FAM153A: variants seen among roughly 807,000 people sequenced by gnomAD.
The protein encoded by FAM153A is family with sequence similarity 153 member A.
A neutral mutation model predicts 48.1 loss-of-function variants in FAM153A; 12 were observed. The observed-to-expected ratio is 0.25, with a 90% CI of 0.16 to 0.40. The LOEUF (loss-of-function observed/expected upper bound fraction) is 0.40. FAM153A is among the 10% of genes least tolerant of loss of function. FAM153A has a pLI of 1.00. For missense variants in FAM153A, 111 were observed against 345.8 expected (o/e 0.32, Z 5.38); for synonymous variants, 36 against 118.2 (o/e 0.30, Z 4.51).
upstream of FAM153A, among the ~76,000 whole-genome samples, chr5:177,757,675 A>T (rs2127707260): frequency 6.6e-6 from 1 of 151,608 alleles, no homozygotes; most frequent in Admixed American, 6.6e-5. Context: ...GGTTCAACAT[A>T]CGCAAATCAA....
chr5:177,697,641 G>T, the FAM153A span, among the ~76,000 whole-genome samples: 1 of 151,884 alleles, frequency 6.6e-6, no homozygotes, highest in African/African-American at 2.4e-5. Flanking sequence ...CTGTACTTCA[G>T]CAGTCCTAGG....
chr5:177,779,177 C>G (rs931448878), intron 1 of FAM153A, among the ~76,000 whole-genome samples: 1 of 151,078 alleles, frequency 6.6e-6, no homozygotes, highest in Non-Finnish European at 1.5e-5. Flanking sequence ...CATCACAGAA[C>G]AAGTCAAAAA....
chr5:177,705,948 G>A (rs942902383), downstream of FAM153A, among the ~76,000 whole-genome samples: 1 of 151,502 alleles, frequency 6.6e-6, no homozygotes, highest in African/African-American at 2.4e-5. Flanking sequence ...GTGAGCCACC[G>A]CGCCCAGCCT....
chr5:177,728,402 A>G (rs1284541040), intron 18 of FAM153A, among the ~76,000 whole-genome samples: 8 of 149,398 alleles, frequency 5.4e-5, no homozygotes, highest in Non-Finnish European at 1.2e-4. Flanking sequence ...GGAAATGCAC[A>G]CACACTCACA....
rs1376196554 is a variant in FAM153A at position 177,714,475 on chromosome 5, A to C, written c.*1223-559T>G. 4.7e-4 allele frequency among the ~76,000 whole-genome samples: 68 copies of C among 145,134 alleles called. 1 individual carries two copies. The highest frequency in any genetic ancestry group is 1.7e-3 in the African/African-American group (65 of 39,056). The stretch of plus-strand genomic sequence containing the variant: ...CCTTTTCTACTATTAGAATGTTCTA[A>C]TAATGAGTTCTATTATTATAGTAAT... On this transcript the variant is annotated intron_variant and NMD_transcript_variant, in intron 25 of 26. Coordinates refer to the FAM153A transcript ENST00000360669.
intron 1 of FAM153A, among the ~76,000 whole-genome samples, chr5:177,764,612 G>C (rs1433594577): frequency 6.8e-6 from 1 of 147,334 alleles, no homozygotes; most frequent in Non-Finnish European, 1.5e-5. Context: ...ATCATGATGA[G>C]GATGGCTGTG....
chr5:177,695,774 G>C, the FAM153A span, among the ~76,000 whole-genome samples: 3 of 151,256 alleles, frequency 2.0e-5, no homozygotes, highest in Non-Finnish European at 4.4e-5. Flanking sequence ...CTGTCTCTTC[G>C]GGGCTGTTGG....
At chr5:177,756,176 G>A (rs1243971442), upstream of FAM153A, among the ~76,000 whole-genome samples, 14 of 150,196 alleles carry the variant, frequency 9.3e-5, no homozygotes, top group African/African-American at 3.5e-4. Context: ...AAAAGGCAGG[G>A]GTTGCAATCC....
chr5:177,781,349 C>CT (rs1417434290), upstream of FAM153A, among the ~76,000 whole-genome samples: 22 of 145,270 alleles, frequency 1.5e-4, no homozygotes, highest in African/African-American at 5.2e-4. Context: ...TCTCAATCTC[C>CT]TGACCTCGTG....
At chr5:177,715,962 C>A (rs1036704656) in intron 25 of FAM153A, among the ~76,000 whole-genome samples, 1 of 151,368 alleles carries the variant, frequency 6.6e-6, no homozygotes, top group Non-Finnish European at 1.5e-5. Flanking sequence ...AGGAGTGAGC[C>A]ATCATGCCCA....
chr5:177,713,963 T>C (rs1251993766), intron 25 of FAM153A: 4 of 151,904 alleles, frequency 2.6e-5, no homozygotes. Flanking sequence ...AGTTGTGTAA[T>C]GTGAAATTCG....
rs904706 is a variant in FAM153A, at chr5:177,740,560, C to T, written c.466+217G>A. On this transcript the variant is annotated intron_variant, in intron 8 of 20. Transcript: ENST00000614127. ...GTGGCCATCATGTTATTAAACATAGCAGAATATGTCCCTGATTGTTCTCTG... is the reference window on the plus strand; with the variant it reads ...GTGGCCATCATGTTATTAAACATAGTAGAATATGTCCCTGATTGTTCTCTG... 4.0e-3 allele frequency among the ~76,000 whole-genome samples: 424 copies of T among 105,928 alleles called. 7 individuals carry two copies. The highest frequency in any genetic ancestry group is 5.1e-3 in the Middle Eastern group (1 of 198). 69.5% of individuals were successfully genotyped at this position (105,928 alleles called of 152,430 possible). A position where few individuals can be genotyped will look rare whatever the true frequency, so the allele number is the denominator to read the frequency against.
At chr5:177,699,230 T>C in the FAM153A span, among the ~76,000 whole-genome samples, 1 of 151,562 alleles carries the variant, frequency 6.6e-6, no homozygotes, top group African/African-American at 2.4e-5. Flanking sequence ...AATGCCTATA[T>C]TGAAAAGAAG....
At chr5:177,781,222 C>T (rs1279513861), upstream of FAM153A, among the ~76,000 whole-genome samples, 2 of 121,786 alleles carry the variant, frequency 1.6e-5, no homozygotes, top group East Asian at 2.4e-4. Context: ...CCTCAGCCTC[C>T]GGAGTAGCTG....
intron 1 of FAM153A, among the ~76,000 whole-genome samples, chr5:177,764,669 C>G (rs1337430557): frequency 3.3e-5 from 5 of 151,534 alleles, no homozygotes; most frequent in Admixed American, 6.6e-5. Flanking sequence ...CTCCTGGGCT[C>G]GCCCCCAATT....
At chr5:177,710,852 T>TC (rs1420769040), downstream of FAM153A, among the ~76,000 whole-genome samples, 1 of 146,964 alleles carries the variant, frequency 6.8e-6, no homozygotes, top group Non-Finnish European at 1.5e-5. Flanking sequence ...AGACGGGGTT[T>TC]CACCATGTTG....
chr5:177,719,085 T>C (rs933866024), downstream of FAM153A, among the ~76,000 whole-genome samples: 3 of 151,072 alleles, frequency 2.0e-5, no homozygotes, highest in African/African-American at 7.3e-5. Flanking sequence ...GGTTGTCCCA[T>C]GTTGTCCAGG....
chr5:177,756,836 A>C (rs1384054663), upstream of FAM153A, among the ~76,000 whole-genome samples: 3 of 132,906 alleles, frequency 2.3e-5, no homozygotes, highest in African/African-American at 8.4e-5. Flanking sequence ...CATTTAAAGC[A>C]GTGTGTTAGA....
chr5:177,712,912 C>T (rs1264156727), exon 27 of FAM153A: 1 of 151,822 alleles, frequency 6.6e-6, no homozygotes, highest in Non-Finnish European at 1.5e-5. Flanking sequence ...CAAAATTGTT[C>T]TCCAAACATT....
Sources: allele counts gnomAD v4.1 joint callset (sites outside exome capture counted in the v4.1 genomes callset), GRCh38; gene constraint gnomAD v4.1.1; transcripts MANE v1.5; gene names NCBI Gene and HGNC (gene_info 2026-07-23, HGNC 2026-07-21).